Variants in DAAM2 observed in about 807,000 individuals in gnomAD.
DAAM2 encodes the protein dishevelled associated activator of morphogenesis 2.
A neutral mutation model predicts 120.7 loss-of-function variants in DAAM2; 39 were observed. The observed-to-expected ratio is 0.32, with a 90% confidence interval of 0.25 to 0.42. The LOEUF is 0.42. Ranked by LOEUF, DAAM2 falls within the 10% of genes least tolerant of loss-of-function variation. The pLI is 1.00. For missense variants in DAAM2, 1,283 were observed against 1,401.7 expected (o/e 0.92, Z 1.35); for synonymous variants, 488 against 524.9 (o/e 0.93, Z 0.96).
intron 19 of DAAM2, among the ~76,000 whole-genome samples, 193 bp downstream of exon 19, chr6:39,891,915 C>T (rs1428820502): frequency 6.6e-6 from 1 of 152,232 alleles, no homozygotes; most frequent in Non-Finnish European, 1.5e-5. Flanking sequence ...TTAGCACATG[C>T]GCCAACCTTG....
chr6:39,853,752 T>A (rs113604377), intron 1 of DAAM2, among the ~76,000 whole-genome samples: 4,731 of 152,256 alleles, frequency 0.031, 244 homozygotes, highest in African/African-American at 0.11. Flanking sequence ...GGTGCTGTCA[T>A]CCCAGCCTCC....
chr6:39,823,654 C>T (rs1762566319), intron 1 of DAAM2, among the ~76,000 whole-genome samples: 1 of 152,282 alleles, frequency 6.6e-6, no homozygotes, highest in South Asian at 2.1e-4. Flanking sequence ...TCCTGAGGCC[C>T]AGCTGTTAGG....
intron 1 of DAAM2, among the ~76,000 whole-genome samples, chr6:39,846,865 G>T (rs1278669265): frequency 6.6e-6 from 1 of 152,140 alleles, no homozygotes; most frequent in African/African-American, 2.4e-5. Flanking sequence ...TTGAAAGAAC[G>T]AATGAAGTGG....
intron 1 of DAAM2, among the ~76,000 whole-genome samples, chr6:39,842,218 AT>A (rs2149254962): frequency 6.6e-6 from 1 of 152,278 alleles, no homozygotes; most frequent in South Asian, 2.1e-4. Flanking sequence ...CTGCTGTTAG[AT>A]GTCGTTCCTT....
intron 2 of DAAM2, among the ~76,000 whole-genome samples, chr6:39,858,722 A>G (rs1454313959): frequency 6.6e-6 from 1 of 152,188 alleles, no homozygotes; most frequent in African/African-American, 2.4e-5. Flanking sequence ...GTAGAGACGT[A>G]CTGGAGACAG....
Position 39,861,025 on chromosome 6 carries a change from C to T in DAAM2, c.258+8C>T, listed in dbSNP as rs1218791440. The T allele has an allele frequency of 1.9e-6, 3 of 1,600,626 alleles. No homozygotes were observed. Among genetic ancestry groups the T allele is most frequent in the Non-Finnish European group, 1.7e-6 (2 of 1,172,594 alleles). On this transcript the variant is annotated splice_region_variant and intron_variant, in intron 3 of 24. Transcript: ENST00000274867. ...TACTGCAGCAAGAAGAAGGTGCCCT[C>T]TCTGACCCCTCTGGCCACATCTCAG...
At chr6:39,830,624 C>G (rs944774294) in intron 1 of DAAM2, among the ~76,000 whole-genome samples, 9 of 152,156 alleles carry the variant, frequency 5.9e-5, no homozygotes, top group African/African-American at 1.9e-4. Context: ...AGGCCTTGGG[C>G]CCACCTCCCC....
Position 39,902,310 on chromosome 6 carries a change from G to A in DAAM2, c.*273G>A. 3.0e-6 allele frequency: 1 copy of A among 334,042 alleles called. No individual in the cohort carries two copies. The highest frequency in any genetic ancestry group is 8.1e-4 in the Middle Eastern group (1 of 1,232). 20.7% of individuals were successfully genotyped at this position (334,042 alleles called of 1,614,324 possible). A position where few individuals can be genotyped will look rare whatever the true frequency, so the allele number is the denominator to read the frequency against. Reference sequence around the variant, plus strand: ...GATGGCCTCAGGCCAGGTAACCCCAGGCTGAAGGGGCCCTGCTCCCCATCC... The same window carrying A: ...GATGGCCTCAGGCCAGGTAACCCCAAGCTGAAGGGGCCCTGCTCCCCATCC... On this transcript the variant is annotated 3_prime_UTR_variant, in exon 25 of 25. Coordinates refer to ENST00000274867, the MANE Select transcript of DAAM2 (RefSeq NM_001201427.2).
intron 1 of DAAM2, among the ~76,000 whole-genome samples, chr6:39,804,283 TAGA>T (rs1382481647): frequency 2.0e-5 from 3 of 152,186 alleles, no homozygotes; most frequent in African/African-American, 7.2e-5. Flanking sequence ...TTGATACTCC[TAGA>T]AGGTTAGGAC....
In DAAM2 at chr6:39,904,168, T is replaced by C. The variant is rs73414847; in HGVS notation, c.*2131T>C. ...CTGGAAACAAAAGGACTATGGAAGC[T>C]GTTCAAGATACATTTGATCTTCAGA... On this transcript the variant is annotated 3_prime_UTR_variant, in exon 25 of 25. Coordinates refer to ENST00000274867, the MANE Select transcript of DAAM2 (RefSeq NM_001201427.2). The C allele has an allele frequency of 0.013, 6,065 of 456,420 alleles. 293 individuals carry two copies. Among genetic ancestry groups the C allele is most frequent in the African/African-American group, 0.11 (5,287 of 50,122 alleles). The allele number at this position is 456,420 out of a possible 1,614,324, so 28.3% of individuals were successfully genotyped here.
chr6:39,813,951 G>A (rs2114082294), intron 1 of DAAM2, among the ~76,000 whole-genome samples: 2 of 152,290 alleles, frequency 1.3e-5, no homozygotes, highest in South Asian at 4.1e-4. Flanking sequence ...AAAGGGTCAT[G>A]GCCACTGTTT....
At chr6:39,827,464 C>G (rs565085934) in intron 1 of DAAM2, among the ~76,000 whole-genome samples, 7 of 152,142 alleles carry the variant, frequency 4.6e-5, no homozygotes, top group African/African-American at 1.7e-4. Context: ...CGGGGGTAGT[C>G]TTTTTCAGAG....
chr6:39,792,588 G>A (rs924636115), intron 1 of DAAM2, 123 bp downstream of exon 1: 3 of 152,176 alleles, frequency 2.0e-5, no homozygotes, highest in Non-Finnish European at 4.4e-5. Flanking sequence ...GCTTGGGGAG[G>A]CAGCAGCTCC....
chr6:39,832,097 AC>A (rs1762936263), intron 1 of DAAM2, among the ~76,000 whole-genome samples: 1 of 143,000 alleles, frequency 7.0e-6, no homozygotes, highest in South Asian at 2.4e-4. Flanking sequence ...GAACAGGTGT[AC>A]TGGGGGGACA....
chr6:39,895,979 CATTATTTT>C (rs1209942260), intron 19 of DAAM2, among the ~76,000 whole-genome samples: 1 of 151,946 alleles, frequency 6.6e-6, no homozygotes, highest in Non-Finnish European at 1.5e-5. Context: ...AAAAGCATGC[CATTATTTT>C]ATAGAACAAA....
intron 1 of DAAM2, among the ~76,000 whole-genome samples, chr6:39,845,254 GCACATACACACCA>G (rs1359295210): frequency 0.016 from 49 of 3,014 alleles, 1 homozygote; most frequent in Admixed American, 0.14. Context: ...CACACATATC[GCACATACACACCA>G]CACATACACA....
In DAAM2 at chr6:39,829,548, G is replaced by C. The variant is rs1468472421; in HGVS notation, c.-56-26699G>C. Among the ~76,000 whole-genome samples, 3 of 152,244 alleles carry C rather than the reference G, an allele frequency of 2.0e-5. No homozygotes were observed. In the East Asian group the frequency reaches 5.8e-4, roughly 29 times the overall value. ...AGTTGGAGAGTTTATAGCCTGTGAGGGTTCTTACACTTACCAAGAGGAAAT... is the reference window on the plus strand; with the variant it reads ...AGTTGGAGAGTTTATAGCCTGTGAGCGTTCTTACACTTACCAAGAGGAAAT... On this transcript the variant is annotated intron_variant, in intron 1 of 24. Coordinates refer to ENST00000274867, the MANE Select transcript of DAAM2 (RefSeq NM_001201427.2).
chr6:39,798,662 A>C (rs188306137), intron 1 of DAAM2, among the ~76,000 whole-genome samples: 1 of 152,256 alleles, frequency 6.6e-6, no homozygotes, highest in East Asian at 1.9e-4. Context: ...CTTAAGTTTC[A>C]TTGCACCAAA....
At chr6:39,808,819 TG>T (rs1762083587) in intron 1 of DAAM2, among the ~76,000 whole-genome samples, 1 of 152,226 alleles carries the variant, frequency 6.6e-6, no homozygotes, top group South Asian at 2.1e-4. Flanking sequence ...GTGCTTGCAC[TG>T]GGGACTAAAG....
Sources: allele counts gnomAD v4.1 joint callset (sites outside exome capture counted in the v4.1 genomes callset), GRCh38; gene constraint gnomAD v4.1.1; transcripts MANE v1.5; gene names NCBI Gene and HGNC (gene_info 2026-07-23, HGNC 2026-07-21).